HHIP: variants seen among roughly 807,000 people sequenced by gnomAD.
The protein encoded by HHIP is hedgehog-interacting protein.
Under a neutral mutation model 74.0 loss-of-function variants are expected in HHIP, and 12 were observed. The ratio of observed to expected loss-of-function variants is 0.16; its 90% confidence interval spans 0.10 to 0.26. The LOEUF is 0.26. Ranked by LOEUF, HHIP falls within the 10% of genes least tolerant of loss-of-function variation. The probability of loss-of-function intolerance (pLI) is 1.00; values close to 1 mark genes in which losing one functional copy is unlikely to be tolerated. For missense variants in HHIP, 788 were observed against 845.0 expected (o/e 0.93, Z 0.84); for synonymous variants, 309 against 311.6 (o/e 0.99, Z 0.09).
chr4:144,720,858 A>G (rs1416933904), intron 11 of HHIP, among the ~76,000 whole-genome samples: 1 of 152,140 alleles, frequency 6.6e-6, no homozygotes, highest in East Asian at 1.9e-4. Flanking sequence ...ATCAACGTTT[A>G]TTATCATAAT....
intron 4 of HHIP, among the ~76,000 whole-genome samples, chr4:144,687,248 A>G (rs1176133845): frequency 2.0e-5 from 3 of 152,212 alleles, no homozygotes; most frequent in African/African-American, 7.2e-5. Flanking sequence ...CTACATTGCA[A>G]TAAGTATGGC....
intron 4 of HHIP, among the ~76,000 whole-genome samples, chr4:144,675,858 C>A (rs956456667): frequency 4.6e-5 from 7 of 152,042 alleles, no homozygotes; most frequent in Non-Finnish European, 7.4e-5. Flanking sequence ...GTTTATATTT[C>A]AGTTTATAGC....
At chr4:144,659,161 C>T (rs1481389235) in intron 3 of HHIP, among the ~76,000 whole-genome samples, 1 of 152,148 alleles carries the variant, frequency 6.6e-6, no homozygotes, top group East Asian at 1.9e-4. Context: ...CTTGGCTTCT[C>T]TATGACTCAT....
Position 144,658,962 on chromosome 4 carries a change from T to C in HHIP, c.629+16T>C. The C allele has an allele frequency of 6.3e-7, 1 of 1,586,820 alleles. No homozygotes were observed. The highest frequency in any genetic ancestry group is 8.6e-7 in the Non-Finnish European group (1 of 1,164,724). On this transcript the variant is annotated intron_variant, in intron 3 of 12. Transcript: ENST00000296575. ...AGATCAGCAGGTTCATAAAGATAAA[T>C]GCTCTTTAATCTTTTTAAAAAAACC... is the stretch of plus-strand genomic sequence containing the variant.
chr4:144,721,318 C>A (rs1016203626), intron 11 of HHIP, among the ~76,000 whole-genome samples: 1 of 152,050 alleles, frequency 6.6e-6, no homozygotes, highest in Non-Finnish European at 1.5e-5. Flanking sequence ...CACACACACA[C>A]ACAATGAGGG....
In HHIP at chr4:144,653,304, C is replaced by A. The variant is rs368238437; in HGVS notation, c.472+507C>A. On this transcript the variant is annotated intron_variant, in intron 2 of 12. Transcript: ENST00000296575. ...AAATGACTAATTTTCTCCTCAAAAA[C>A]CCTGTAAGCTAGGTAGGAAGAGTGG... Among the ~76,000 whole-genome samples the A allele has an allele frequency of 5.6e-4, 85 of 152,226 alleles. No individual in the cohort carries two copies. The South Asian group carries it at 0.017, about 31-fold the overall frequency.
rs1445265320 is a variant in HHIP, at chr4:144,711,950, A to C, written c.1302A>C (p.Arg434Ser). The change falls in exon 8 of 13, where the codon AGA becomes AGC. Residue 434 changes from arginine to serine, a missense_variant and splice_region_variant. By Grantham distance (110) the Arg-to-Ser change is moderately radical. This residue lies in a region of HHIP where 343 missense variants were observed against 347.9 expected (regional missense o/e 0.99). Transcript: ENST00000296575. ...VFAHGLHDPG[R>S]CAVDRHPTDI... ...ATGTGTATCCCCTCTTGTTATGCAG[A>C]TGTGCTGTGGATAGACATCCCACTG... is the stretch of plus-strand genomic sequence containing the variant. 5 of 1,611,880 alleles carry C rather than the reference A, an allele frequency of 3.1e-6. No homozygotes were observed. Among genetic ancestry groups the C allele is most frequent in the Non-Finnish European group, 4.2e-6 (5 of 1,178,930 alleles).
intron 11 of HHIP, among the ~76,000 whole-genome samples, chr4:144,732,496 T>C (rs1730989185): frequency 6.6e-6 from 1 of 152,114 alleles, no homozygotes; most frequent in African/African-American, 2.4e-5. Context: ...AGTCAAAGCA[T>C]CAAATTGGAG....
At chr4:144,659,883 T>C (rs201973091) in intron 4 of HHIP, 45 bp downstream of exon 4, 4 of 1,439,420 alleles carry the variant, frequency 2.8e-6, no homozygotes, top group African/African-American at 1.4e-5. Context: ...GCTACGTTAA[T>C]TTTATTTTAG....
intron 4 of HHIP, among the ~76,000 whole-genome samples, chr4:144,690,191 G>C (rs1368375102): frequency 6.6e-6 from 1 of 152,198 alleles, no homozygotes; most frequent in Non-Finnish European, 1.5e-5. Flanking sequence ...ATAGGTCTTA[G>C]AGTCTACTAT....
chr4:144,684,574 C>T (rs905875826), intron 4 of HHIP, among the ~76,000 whole-genome samples: 5 of 151,804 alleles, frequency 3.3e-5, no homozygotes, highest in African/African-American at 7.3e-5. Flanking sequence ...CCACCGCGCC[C>T]GGCCAAAAGA....
At chr4:144,675,616 T>C (rs933367067) in intron 4 of HHIP, among the ~76,000 whole-genome samples, 56 of 152,124 alleles carry the variant, frequency 3.7e-4, no homozygotes, top group African/African-American at 1.1e-3. Context: ...ACAAAAATAG[T>C]TCATGGCTCA....
At chr4:144,664,518 C>A (rs528749614) in intron 4 of HHIP, among the ~76,000 whole-genome samples, 2 of 152,308 alleles carry the variant, frequency 1.3e-5, no homozygotes, top group South Asian at 4.1e-4. Context: ...AATCTTAAGG[C>A]AACCCATGAA....
At chr4:144,706,789 C>T (rs1161940376) in intron 5 of HHIP, 107 bp downstream of exon 5, 2 of 1,005,260 alleles carry the variant, frequency 2.0e-6, no homozygotes, top group Non-Finnish European at 2.9e-6. Context: ...CATAAGGTGG[C>T]AATAATTAAA....
chr4:144,718,564 C>T (rs1015315362), intron 10 of HHIP, among the ~76,000 whole-genome samples: 4 of 152,120 alleles, frequency 2.6e-5, no homozygotes, highest in African/African-American at 9.7e-5. Context: ...GTGGCTGGTA[C>T]GTTGAGAATA....
intron 4 of HHIP, among the ~76,000 whole-genome samples, chr4:144,681,688 G>C (rs1729349813): frequency 1.3e-5 from 2 of 152,166 alleles, no homozygotes; most frequent in Non-Finnish European, 2.9e-5. Flanking sequence ...CTCCCAACGT[G>C]CTGGGATTAC....
At chr4:144,652,046 C>A (rs1175997207) in intron 1 of HHIP, among the ~76,000 whole-genome samples, 1 of 151,968 alleles carries the variant, frequency 6.6e-6, no homozygotes, top group African/African-American at 2.4e-5. Context: ...AAAACATGAA[C>A]AGCAAATCCT....
chr4:144,742,846 T>TGG lies in HHIP; in HGVS notation c.*4889_*4890insGG. 7.1e-6 allele frequency: 1 copy of TGG among 141,498 alleles called. No individual in the cohort carries two copies. The highest frequency in any genetic ancestry group is 1.5e-5 in the Non-Finnish European group (1 of 66,256). The allele number at this position is 141,498 out of a possible 1,614,324, so 8.8% of individuals were successfully genotyped here. ...ATATATATTTGGTTATATATATATC[T>TGG]TTATATATATATCTTATATATATAT... On this transcript the variant is annotated 3_prime_UTR_variant, in exon 13 of 13. Transcript: ENST00000296575.
intron 4 of HHIP, among the ~76,000 whole-genome samples, chr4:144,679,923 G>A (rs1729289288): frequency 6.6e-6 from 1 of 152,126 alleles, no homozygotes; most frequent in African/African-American, 2.4e-5. Flanking sequence ...AAAAACAAGA[G>A]AAAGTTTAAA....
Sources: allele counts gnomAD v4.1 joint callset (sites outside exome capture counted in the v4.1 genomes callset), GRCh38; gene constraint gnomAD v4.1.1; regional missense constraint gnomAD v4.1.1; transcripts MANE v1.5; gene names NCBI Gene and HGNC (gene_info 2026-07-23, HGNC 2026-07-21).